The following UGGT2 variants were observed in gnomAD, a reference collection of about 807,000 sequenced individuals.
UGGT2 encodes the protein UDP-glucose glycoprotein glucosyltransferase 2.
UGGT2 carries 180 observed loss-of-function variants against 192.1 expected under a neutral mutation model. The observed-to-expected ratio is 0.94, with a 90% CI of 0.83 to 1.06. UGGT2 has a LOEUF of 1.06. Ranked by LOEUF, UGGT2 falls within the 50% of genes least tolerant of loss-of-function variation. The pLI, the probability that UGGT2 is intolerant of heterozygous loss-of-function variation, is 0.00. For synonymous variants in UGGT2, 580 were observed against 591.0 expected (o/e 0.98, Z 0.27); for missense variants, 1,849 against 1,795.7 (o/e 1.03, Z -0.54).
chr13:95,822,812 A>G (rs143833854), intron 38 of UGGT2, among the ~76,000 whole-genome samples: 214 of 151,494 alleles, frequency 1.4e-3, no homozygotes, highest in African/African-American at 5.0e-3. Flanking sequence ...TTCTGCTCTG[A>G]TCTTTGTGAT....
At position 95,867,416 on chromosome 13, in the gene UGGT2, C is replaced by T. The variant is rs759466374; in HGVS notation, c.3481G>A (p.Gly1161Arg). 3 of 1,603,906 alleles carry T rather than the reference C, an allele frequency of 1.9e-6. No homozygotes were observed. The African/African-American group carries it at 4.0e-5, about 22-fold the overall frequency. ...TCTAGGTCTGCTTGAGAGTCAGTTC[C>T]TTCATGCCTAAAAGTAGAAAAATGT... ...EDIYQIVGHE[G>R]TDSQADLEDI... The change falls in exon 30 of 39, where the codon GGA (glycine) becomes AGA (arginine). Residue 1161 changes from glycine to arginine, a missense_variant. Transcript: ENST00000376747.
chr13:96,041,077 A>G (rs1357800006), intron 1 of UGGT2, among the ~76,000 whole-genome samples: 1 of 152,204 alleles, frequency 6.6e-6, no homozygotes, highest in Non-Finnish European at 1.5e-5. Context: ...GAACTGCTGC[A>G]GGAATAAATT....
At chr13:95,876,686 T>C (rs1250511256) in intron 29 of UGGT2, among the ~76,000 whole-genome samples, 1 of 152,156 alleles carries the variant, frequency 6.6e-6, no homozygotes, top group African/African-American at 2.4e-5. Context: ...TCCTACACTC[T>C]TCAATGTGTC....
intron 37 of UGGT2, among the ~76,000 whole-genome samples, chr13:95,833,856 G>A (rs1886988575): frequency 6.6e-6 from 1 of 152,148 alleles, no homozygotes. Flanking sequence ...AATAAAGGAA[G>A]CCCATTCACT....
chr13:95,931,742 G>C (rs2049281671), intron 17 of UGGT2, among the ~76,000 whole-genome samples: 1 of 152,172 alleles, frequency 6.6e-6, no homozygotes, highest in Admixed American at 6.5e-5. Flanking sequence ...TGCAGGGCCT[G>C]CTGAGCCCAC....
At chr13:96,002,863 C>G (rs1482464103) in intron 5 of UGGT2, among the ~76,000 whole-genome samples, 1 of 152,162 alleles carries the variant, frequency 6.6e-6, no homozygotes, top group African/African-American at 2.4e-5. Flanking sequence ...GAATGATGTG[C>G]TGGAAATGCA....
chr13:95,998,952 A>C (rs2062722642), intron 6 of UGGT2, among the ~76,000 whole-genome samples: 2 of 152,200 alleles, frequency 1.3e-5, no homozygotes, highest in African/African-American at 4.8e-5. Flanking sequence ...CATGGTGCTG[A>C]AATGGTTGGG....
At chr13:96,001,109 C>T (rs965224019) in intron 5 of UGGT2, among the ~76,000 whole-genome samples, 2 of 152,138 alleles carry the variant, frequency 1.3e-5, no homozygotes, top group African/African-American at 4.8e-5. Context: ...GGCCTCTGAG[C>T]CCAAACCCAA....
chr13:96,033,186 T>C (rs1480843124), intron 1 of UGGT2, among the ~76,000 whole-genome samples: 2 of 152,156 alleles, frequency 1.3e-5, no homozygotes, highest in Non-Finnish European at 2.9e-5. Flanking sequence ...ATAGGAAGAA[T>C]CAATTCTGTG....
rs373939253 is a variant in UGGT2, at chr13:95,887,988, C to T, written c.2959-17G>A. 7.8e-6 allele frequency: 12 copies of T among 1,533,738 alleles called. 1 individual carries two copies. The highest frequency in any genetic ancestry group is 5.3e-5 in the Admixed American group (3 of 56,896). ...GCCAAGTACCTATTGGAAAGAAATT[C>T]CCATGTTTGATATTAAATAATATTA... On this transcript the variant is annotated splice_polypyrimidine_tract_variant and intron_variant, in intron 25 of 38. Coordinates refer to ENST00000376747, the MANE Select transcript of UGGT2 (RefSeq NM_020121.4).
At chr13:96,004,133 T>C (rs1224440804) in intron 5 of UGGT2, among the ~76,000 whole-genome samples, 1 of 150,202 alleles carries the variant, frequency 6.7e-6, no homozygotes, top group Non-Finnish European at 1.5e-5. Flanking sequence ...AGCAAAGCTA[T>C]CCCCAGGTAA....
At chr13:95,960,150 C>G (rs1451319449) in intron 12 of UGGT2, among the ~76,000 whole-genome samples, 1 of 152,188 alleles carries the variant, frequency 6.6e-6, no homozygotes, top group Non-Finnish European at 1.5e-5. Flanking sequence ...GAATAAGTAA[C>G]TGTTACACCA....
At chr13:95,808,512 T>C (rs1884426307) in intron 38 of UGGT2, among the ~76,000 whole-genome samples, 1 of 152,028 alleles carries the variant, frequency 6.6e-6, no homozygotes, top group African/African-American at 2.4e-5. Flanking sequence ...TCTTTCATAA[T>C]TGAGATTTTA....
At chr13:95,828,162 CT>C (rs1344480045) in intron 38 of UGGT2, among the ~76,000 whole-genome samples, 8 of 151,964 alleles carry the variant, frequency 5.3e-5, no homozygotes, top group African/African-American at 1.7e-4. Context: ...CTGGGACACA[CT>C]TAAAGCAGTG....
In UGGT2 at chr13:95,927,955, C is replaced by T. The variant is rs555586581; in HGVS notation, c.1978-619G>A. 2.0e-5 allele frequency among the ~76,000 whole-genome samples: 3 copies of T among 152,292 alleles called. No homozygotes were observed. In the South Asian group the frequency reaches 6.2e-4, roughly 32 times the overall value. ...CATTTAACCCTTAGTGGACACAGCA[C>T]ATGTTTCAGAGAGCACGGGGTTGGG... On this transcript the variant is annotated intron_variant, in intron 17 of 38. Transcript: ENST00000376747.
At chr13:95,855,764 G>T (rs1889548722) in intron 34 of UGGT2, among the ~76,000 whole-genome samples, 1 of 152,144 alleles carries the variant, frequency 6.6e-6, no homozygotes, top group African/African-American at 2.4e-5. Context: ...GTTGAAGGTG[G>T]AAGAATGAGA....
chr13:95,862,285 T>C (rs1890234244), intron 31 of UGGT2, among the ~76,000 whole-genome samples: 2 of 152,186 alleles, frequency 1.3e-5, no homozygotes, highest in South Asian at 2.1e-4. Context: ...ACCAAATATA[T>C]TTAAGTTGTT....
intron 17 of UGGT2, among the ~76,000 whole-genome samples, chr13:95,929,440 G>A (rs370881460): frequency 6.6e-5 from 10 of 152,068 alleles, no homozygotes; most frequent in Admixed American, 5.2e-4. Context: ...ACCCTTCCCT[G>A]ACTTTTTCCT....
At chr13:95,844,915 A>T (rs770893215) in intron 36 of UGGT2, among the ~76,000 whole-genome samples, 2 of 152,168 alleles carry the variant, frequency 1.3e-5, no homozygotes, top group Non-Finnish European at 2.9e-5. Flanking sequence ...GTATGATGTT[A>T]GCTGTAGGTT....
Sources: allele counts gnomAD v4.1 joint callset (sites outside exome capture counted in the v4.1 genomes callset), GRCh38; gene constraint gnomAD v4.1.1; transcripts MANE v1.5; gene names NCBI Gene and HGNC (gene_info 2026-07-23, HGNC 2026-07-21).